PRR33: variants seen among roughly 807,000 people sequenced by gnomAD.
PRR33 encodes proline-rich protein 33.
A neutral mutation model predicts 0.5 loss-of-function variants in PRR33; 1 was observed. The observed-to-expected ratio is 2.18, with a 90% CI of 0.77 to 10.34. The LOEUF (loss-of-function observed/expected upper bound fraction) is 10.34. Among genes scored for constraint, PRR33 ranks in the 30% most tolerant of loss-of-function variants. The pLI is 0.13. For missense variants in PRR33, 552 were observed against 251.8 expected (o/e 2.19, Z -8.07); for synonymous variants, 226 against 110.0 (o/e 2.06, Z -6.60).
upstream of PRR33, among the ~76,000 whole-genome samples, chr11:1,896,576 G>A (rs1335540260): frequency 6.6e-6 from 1 of 152,190 alleles, no homozygotes; most frequent in Non-Finnish European, 1.5e-5. Context: ...AGATGGTCAC[G>A]TTATCTGTAG....
At chr11:1,889,642 C>A in exon 1 of PRR33, 1 of 620,120 alleles carries the variant, frequency 1.6e-6, no homozygotes. Context: ...GGGGATGAGG[C>A]CCAGGCAGGG....
chr11:1,906,518 C>G, the PRR33 span, among the ~76,000 whole-genome samples: 4 of 152,112 alleles, frequency 2.6e-5, no homozygotes, highest in Non-Finnish European at 5.9e-5. Context: ...GAGCTAGATA[C>G]TTTTATATTT....
chr11:1,913,827 C>T, the PRR33 span, among the ~76,000 whole-genome samples: 10 of 152,370 alleles, frequency 6.6e-5, no homozygotes, highest in South Asian at 4.1e-4. Flanking sequence ...CCGCGCTCTG[C>T]GGTGAGCACG....
the PRR33 span, among the ~76,000 whole-genome samples, chr11:1,902,262 C>T: frequency 6.7e-6 from 1 of 150,280 alleles, no homozygotes; most frequent in Non-Finnish European, 1.5e-5. Context: ...CAATTACTTT[C>T]ACACCAACCT....
exon 1 of PRR33, chr11:1,890,893 C>A (rs1848972082): frequency 2.6e-6 from 1 of 383,572 alleles, no homozygotes; most frequent in Non-Finnish European, 4.8e-6. Context: ...ACAAAGCAGG[C>A]CCCAAGTACA....
chr11:1,900,914 G>T, the PRR33 span, among the ~76,000 whole-genome samples: 5 of 152,180 alleles, frequency 3.3e-5, no homozygotes, highest in African/African-American at 4.8e-5. Flanking sequence ...ACTGGGAAAG[G>T]CTGTTATCGT....
the PRR33 span, among the ~76,000 whole-genome samples, chr11:1,898,901 T>G: frequency 6.6e-6 from 1 of 152,134 alleles, no homozygotes; most frequent in East Asian, 1.9e-4. Context: ...CTTGGGAGGC[T>G]GAGGCAGGAG....
At chr11:1,889,585 G>T in exon 1 of PRR33, 1 of 612,734 alleles carries the variant, frequency 1.6e-6, no homozygotes. Flanking sequence ...CGGGGCTTGG[G>T]TGCAACTTTG....
the PRR33 span, among the ~76,000 whole-genome samples, chr11:1,916,411 G>A: frequency 6.6e-6 from 1 of 152,114 alleles, no homozygotes; most frequent in Admixed American, 6.5e-5. Context: ...ACACAAGGGA[G>A]GTGACGTGCC....
At chr11:1,890,791 C>A in exon 1 of PRR33, 1 of 593,402 alleles carries the variant, frequency 1.7e-6, no homozygotes, top group African/African-American at 1.9e-5. Flanking sequence ...CCACCATCAC[C>A]CTAGTGTAGA....
At chr11:1,908,329 C>G in the PRR33 span, among the ~76,000 whole-genome samples, 1 of 150,494 alleles carries the variant, frequency 6.6e-6, no homozygotes, top group Non-Finnish European at 1.5e-5. Flanking sequence ...CACCCCCACC[C>G]CCAAATAAAC....
chr11:1,897,769 G>C, the PRR33 span, among the ~76,000 whole-genome samples: 1 of 152,158 alleles, frequency 6.6e-6, no homozygotes, highest in African/African-American at 2.4e-5. This position sits in a 1 kb window ranked among gnomAD's most constrained non-coding sequence, Gnocchi z 4.0. Flanking sequence ...GTTTCTTTGA[G>C]TTCTTGTTGC....
the PRR33 span, among the ~76,000 whole-genome samples, chr11:1,916,285 T>C: frequency 1.3e-5 from 2 of 152,080 alleles, no homozygotes; most frequent in Non-Finnish European, 2.9e-5. Context: ...GGACTTCACT[T>C]TGCCATTCCC....
chr11:1,894,417 G>A (rs1849101898), upstream of PRR33, among the ~76,000 whole-genome samples: 1 of 152,076 alleles, frequency 6.6e-6, no homozygotes, highest in South Asian at 2.1e-4. Flanking sequence ...GATTTTTTTT[G>A]TAGAGACGAG....
chr11:1,914,647 G>A, the PRR33 span, among the ~76,000 whole-genome samples: 1 of 146,710 alleles, frequency 6.8e-6, no homozygotes, highest in East Asian at 2.1e-4. Context: ...CTCTGTGTGT[G>A]TTGTGGGGTG....
At chr11:1,895,080 G>A (rs918280925), upstream of PRR33, among the ~76,000 whole-genome samples, 3 of 152,122 alleles carry the variant, frequency 2.0e-5, no homozygotes, top group Non-Finnish European at 4.4e-5. Flanking sequence ...TCTTTTGCCC[G>A]TTGCTGTAAA....
chr11:1,911,306 G>A, the PRR33 span, among the ~76,000 whole-genome samples: 1 of 152,218 alleles, frequency 6.6e-6, no homozygotes, highest in South Asian at 2.1e-4. Flanking sequence ...GCTGGGTGTG[G>A]TGGTGGGCGC....
chr11:1,910,154 T>C, the PRR33 span, among the ~76,000 whole-genome samples: 2 of 152,242 alleles, frequency 1.3e-5, no homozygotes, highest in African/African-American at 4.8e-5. Flanking sequence ...GGTTTTCTGA[T>C]TCTTTGCAGT....
At chr11:1,912,013 A>C in the PRR33 span, among the ~76,000 whole-genome samples, 7 of 148,520 alleles carry the variant, frequency 4.7e-5, no homozygotes, top group South Asian at 1.3e-3. Flanking sequence ...AAAAAAAAAA[A>C]AAAAAAAAAA....
Sources: gnomAD v4.1 joint callset for allele counts (sites outside exome capture counted in the v4.1 genomes callset) on GRCh38, gnomAD v4.1.1 for gene constraint, Gnocchi (gnomAD v3.1) non-coding constraint, MANE v1.5 for transcripts, NCBI Gene and HGNC (gene_info 2026-07-23, HGNC 2026-07-21) for gene names.